The following LMNA variants were observed in gnomAD, a reference collection of about 807,000 sequenced individuals.
The protein encoded by LMNA is lamin.
Under a neutral mutation model 70.4 loss-of-function variants are expected in LMNA, and 20 were observed. The ratio of observed to expected loss-of-function variants is 0.28; its 90% CI spans 0.20 to 0.41. The LOEUF (loss-of-function observed/expected upper bound fraction) is 0.41. LMNA is among the 10% of genes least tolerant of loss of function. The probability of loss-of-function intolerance (pLI) is 1.00; values close to 1 mark genes in which losing one functional copy is unlikely to be tolerated. For missense variants in LMNA, 652 were observed against 917.2 expected (o/e 0.71, Z 3.73); for synonymous variants, 339 against 372.8 (o/e 0.91, Z 1.04).
intron 2 of LMNA, among the ~76,000 whole-genome samples, chr1:156,085,127 A>G (rs1313499567): frequency 1.3e-5 from 2 of 152,204 alleles, no homozygotes; most frequent in Non-Finnish European, 2.9e-5. Flanking sequence ...AGCAGATGTG[A>G]GCCTGGCACC....
intron 3 of LMNA, among the ~76,000 whole-genome samples, chr1:156,104,642 C>T (rs554584327): frequency 6.6e-6 from 1 of 152,264 alleles, no homozygotes; most frequent in African/African-American, 2.4e-5. Flanking sequence ...AGGTCCCACC[C>T]CCTAAGCCAC....
At position 156,130,699 on chromosome 1, in the gene LMNA, G is replaced by T. The variant is rs139875047; in HGVS notation, c.439G>T (p.Ala147Ser). 2.5e-6 allele frequency: 4 copies of T among 1,613,180 alleles called. No individual in the cohort carries two copies. The African/African-American group carries it at 4.0e-5, about 16-fold the overall frequency. Residue 147 changes from alanine (A) to serine (S), a missense_variant, in exon 2 of 12, where the codon GCA (alanine) becomes TCA (serine). Physicochemically the swap from Ala to Ser is moderately conservative, Grantham distance 99. Transcript: ENST00000368300. Reference sequence around the variant, plus strand: ...GGCTCTGCTGAACTCCAAGGAGGCCGCACTGAGCACTGCTCTCAGTGAGAA... The same window carrying T: ...GGCTCTGCTGAACTCCAAGGAGGCCTCACTGAGCACTGCTCTCAGTGAGAA... Reference protein sequence around the residue: ...LEALLNSKEAALSTALSEKRT... With the variant: ...LEALLNSKEASLSTALSEKRT...
intron 3 of LMNA, among the ~76,000 whole-genome samples, chr1:156,101,684 A>G (rs1369090778): frequency 1.4e-5 from 2 of 147,058 alleles, no homozygotes; most frequent in African/African-American, 5.1e-5. Context: ...GGGAATCACT[A>G]TGGTTTATAG....
intron 3 of LMNA, among the ~76,000 whole-genome samples, chr1:156,101,632 A>G (rs1376104131): frequency 4.9e-5 from 4 of 81,414 alleles, no homozygotes; most frequent in South Asian, 1.3e-3. Context: ...GGACGGAAGG[A>G]AGGAAGGGAG....
Position 156,114,768 on chromosome 1 carries a change from C to T in LMNA, c.-151C>T. ...CAACCCAGATCCCGAGGTCCGACAG[C>T]GCCCGGCCCAGATCCCCACGCCTGC... is the stretch of plus-strand genomic sequence containing the variant. On this transcript the variant is annotated 5_prime_UTR_variant, in exon 1 of 12. Coordinates refer to ENST00000368300, the MANE Select transcript of LMNA (RefSeq NM_170707.4). 1.6e-6 allele frequency: 1 copy of T among 610,456 alleles called. No individual in the cohort carries two copies. Among genetic ancestry groups the T allele is most frequent in the Admixed American group, 3.2e-5 (1 of 31,242 alleles). 37.8% of individuals were successfully genotyped at this position (610,456 alleles called of 1,614,324 possible).
rs551168123 is a variant in LMNA, at chr1:156,139,468, G to A, written c.*362G>A. The A allele has an allele frequency of 9.0e-6, 12 of 1,335,164 alleles. No individual in the cohort carries two copies. In the South Asian group the frequency reaches 2.0e-4, roughly 22 times the overall value. The allele number at this position is 1,335,164 out of a possible 1,614,324, so 82.7% of individuals were successfully genotyped here. ...TATAGAGGCTAGCTTCTGCTTTTCT[G>A]CCCTGGCTGCTGCCCCCACCCCGGG... On this transcript the variant is annotated 3_prime_UTR_variant, in exon 12 of 12. Transcript: ENST00000368300.
intron 3 of LMNA, among the ~76,000 whole-genome samples, chr1:156,095,067 G>A (rs563338463): frequency 1.9e-4 from 29 of 152,040 alleles, no homozygotes; most frequent in East Asian, 1.7e-3. Context: ...GACTACAGGC[G>A]CACGCCACCA....
In LMNA at chr1:156,137,364, C is replaced by A; in HGVS notation, c.1608+132C>A. On this transcript the variant is annotated intron_variant, in intron 9 of 11. Transcript: ENST00000368300. The surrounding 1 kb of genome is among the most constrained non-coding windows in gnomAD (Gnocchi z 4.6). ...AGAGCTCTCTGTTGCAGGCTCCAGACTTCTCCACCCAGTAGGCAAACCAAA... is the reference window on the plus strand; with the variant it reads ...AGAGCTCTCTGTTGCAGGCTCCAGAATTCTCCACCCAGTAGGCAAACCAAA... The A allele has an allele frequency of 2.5e-6, 3 of 1,213,324 alleles. No homozygotes were observed. Among genetic ancestry groups the A allele is most frequent in the South Asian group, 1.3e-5 (1 of 75,938 alleles). The allele number at this position is 1,213,324 out of a possible 1,614,324, so 75.2% of individuals were successfully genotyped here. A position where few individuals can be genotyped will look rare whatever the true frequency, so the allele number is the denominator to read the frequency against.
chr1:156,126,201 G>A, intron 1 of LMNA: 1 of 1,526,682 alleles, frequency 6.6e-7, no homozygotes, highest in Non-Finnish European at 8.8e-7. Context: ...GTGCTGCCTG[G>A]CAATGGGGAA....
intron 3 of LMNA, among the ~76,000 whole-genome samples, chr1:156,102,786 G>A (rs971083656): frequency 2.6e-5 from 4 of 152,164 alleles, no homozygotes; most frequent in South Asian, 2.1e-4. Context: ...AGTGAGTCAC[G>A]TTTCCATGTG....
chr1:156,134,211 C>T lies in LMNA; in HGVS notation c.514-192C>T, dbSNP rs1451424965. On this transcript the variant is annotated intron_variant, in intron 2 of 11. Coordinates refer to ENST00000368300, the MANE Select transcript of LMNA (RefSeq NM_170707.4). This position sits in a 1 kb window ranked among gnomAD's most constrained non-coding sequence, Gnocchi z 5.3. ...CTTTTTTGTATTAGATATATATTTT[C>T]TCTCTTAGCACAGTACCTACCAAGA... Among the ~76,000 whole-genome samples, 1 of 152,138 alleles carries T rather than the reference C, an allele frequency of 6.6e-6. No individual in the cohort carries two copies. Among genetic ancestry groups the T allele is most frequent in the East Asian group, 1.9e-4 (1 of 5,188 alleles).
intron 1 of LMNA, among the ~76,000 whole-genome samples, chr1:156,124,675 G>A (rs533392260): frequency 7.4e-4 from 112 of 152,242 alleles, no homozygotes; most frequent in African/African-American, 2.5e-3. Flanking sequence ...GCCCTTACCC[G>A]AGTTGTGGCA....
chr1:156,108,363 C>T (rs189938096), intron 3 of LMNA, among the ~76,000 whole-genome samples: 67 of 152,270 alleles, frequency 4.4e-4, no homozygotes, highest in African/African-American at 1.6e-3. Context: ...TGTACATCAC[C>T]TCCACCTCCT....
rs1651482371 is a variant in LMNA, at chr1:156,135,413, TGAG to T, written c.936+108_936+110del. 1 of 1,426,318 alleles carries T rather than the reference TGAG, an allele frequency of 7.0e-7. No individual in the cohort carries two copies. The highest frequency in any genetic ancestry group is 1.4e-5 in the African/African-American group (1 of 70,594). The allele number at this position is 1,426,318 out of a possible 1,614,324, so 88.4% of individuals were successfully genotyped here. The stretch of plus-strand genomic sequence containing the variant: ...GGTGGGGGTGGGGGTGGGAGGTTCC[TGAG>T]GAGGAGAGGGATGAAAAGTGTCCCC... On this transcript the variant is annotated intron_variant, in intron 5 of 11. Coordinates refer to ENST00000368300, the MANE Select transcript of LMNA (RefSeq NM_170707.4). This position sits in a 1 kb window ranked among gnomAD's most constrained non-coding sequence, Gnocchi z 4.8.
chr1:156,137,614 C>T lies in LMNA; in HGVS notation c.1609-40C>T, dbSNP rs576815629. 3.3e-6 allele frequency: 5 copies of T among 1,533,912 alleles called. No homozygotes were observed. The highest frequency in any genetic ancestry group is 4.4e-6 in the Non-Finnish European group (5 of 1,131,830). On this transcript the variant is annotated intron_variant, in intron 9 of 11. Coordinates refer to ENST00000368300, the MANE Select transcript of LMNA (RefSeq NM_170707.4). This position sits in a 1 kb window ranked among gnomAD's most constrained non-coding sequence, Gnocchi z 4.6. ...GGTAGACATGCTGTACAACCCTTCC[C>T]TGGCCCTGACCCTTGGACCTGGTTC... is the stretch of plus-strand genomic sequence containing the variant.
Position 156,114,930 on chromosome 1 carries a change from G to A in LMNA, c.12G>A (p.Pro4=), listed in dbSNP as rs369823958. Residue 4 remains proline, a synonymous_variant, in exon 1 of 12, where the codon CCG becomes CCA. Coordinates refer to ENST00000368300, the MANE Select transcript of LMNA (RefSeq NM_170707.4). MET[P]SQRRATRSGA... is the part of the protein sequence containing the mutation. The stretch of plus-strand genomic sequence containing the variant: ...CCAACCTGCCGGCCATGGAGACCCC[G>A]TCCCAGCGGCGCGCCACCCGCAGCG... 101 of 1,558,840 alleles carry A rather than the reference G, an allele frequency of 6.5e-5. No individual in the cohort carries two copies. The highest frequency in any genetic ancestry group is 8.7e-5 in the Non-Finnish European group (100 of 1,151,536).
At position 156,103,882 on chromosome 1, in the gene LMNA, C is replaced by T. The variant is rs1409107742; in HGVS notation, c.-206-10831C>T. Among the ~76,000 whole-genome samples the T allele has an allele frequency of 6.6e-6, 1 of 152,172 alleles. No individual in the cohort carries two copies. The highest frequency in any genetic ancestry group is 2.4e-5 in the African/African-American group (1 of 41,434). On this transcript the variant is annotated intron_variant, in intron 3 of 12. Coordinates refer to the LMNA transcript ENST00000368301. This position sits in a 1 kb window ranked among gnomAD's most constrained non-coding sequence, Gnocchi z 4.7. ...TTCTCTGGCTCCACCAGCCCTGCTCCCCTGCCCTTTCGAAGCCTCTAGTGG... is the reference window on the plus strand; with the variant it reads ...TTCTCTGGCTCCACCAGCCCTGCTCTCCTGCCCTTTCGAAGCCTCTAGTGG...
chr1:156,105,713 C>T (rs888053224), intron 3 of LMNA, among the ~76,000 whole-genome samples: 1 of 152,164 alleles, frequency 6.6e-6, no homozygotes, highest in Non-Finnish European at 1.5e-5. Context: ...CACATGATCC[C>T]ATGTCCATAA....
chr1:156,122,574 A>T (rs940872697), intron 1 of LMNA, among the ~76,000 whole-genome samples: 2 of 152,190 alleles, frequency 1.3e-5, no homozygotes, highest in African/African-American at 4.8e-5. Context: ...TTTTGTTTTC[A>T]TTGCTACTAG....
Sources: allele counts gnomAD v4.1 joint callset (sites outside exome capture counted in the v4.1 genomes callset), GRCh38; gene constraint gnomAD v4.1.1; non-coding constraint Gnocchi (gnomAD v3.1); transcripts MANE v1.5; gene names NCBI Gene and HGNC (gene_info 2026-07-23, HGNC 2026-07-21).